Variants in SP3 observed in about 807,000 individuals in gnomAD.
The protein encoded by SP3 is Sp3 transcription factor, also known as transcription factor Sp3.
Under a neutral mutation model 70.3 loss-of-function variants are expected in SP3, and 10 were observed. The observed-to-expected ratio is 0.14, with a 90% confidence interval of 0.09 to 0.24. The LOEUF (loss-of-function observed/expected upper bound fraction) is 0.24. Among genes scored for constraint, SP3 ranks in the 10% least tolerant of loss-of-function variants. The pLI is 1.00. For missense variants in SP3, 825 were observed against 914.6 expected, an observed-to-expected ratio of 0.90 and a Z score of 1.26; for synonymous variants, 402 against 333.5, an observed-to-expected ratio of 1.21 and a Z score of -2.24.
Position 173,902,327 on chromosome 2 carries a change from C to T in SP3, c.*7614G>A, listed in dbSNP as rs1419368594. On this transcript the variant is annotated 3_prime_UTR_variant, in exon 7 of 7. Transcript: ENST00000310015. The stretch of plus-strand genomic sequence containing the variant: ...ATTGGAAAAAACATATCTGCCAAGG[C>T]AGGATTGGGAGGGTATGGAAAAAAT... Among the ~76,000 whole-genome samples, 1 of 152,084 alleles carries T rather than the reference C, an allele frequency of 6.6e-6. No individual in the cohort carries two copies. Among genetic ancestry groups the T allele is most frequent in the East Asian group, 1.9e-4 (1 of 5,200 alleles).
At chr2:173,926,539 C>T (rs1181959441) in intron 4 of SP3, among the ~76,000 whole-genome samples, 1 of 152,130 alleles carries the variant, frequency 6.6e-6, no homozygotes, top group African/African-American at 2.4e-5. Flanking sequence ...TGGCTCACGC[C>T]TGTAATCCCA....
chr2:173,930,958 A>AG (rs1378307799), intron 4 of SP3, among the ~76,000 whole-genome samples: 1 of 152,246 alleles, frequency 6.6e-6, no homozygotes, highest in Non-Finnish European at 1.5e-5. Flanking sequence ...GACATACCTC[A>AG]GAAACACTAC....
chr2:173,954,864 A>T lies in SP3; in HGVS notation c.1639+9T>A. The T allele has an allele frequency of 6.2e-7, 1 of 1,607,960 alleles. No individual in the cohort carries two copies. The highest frequency in any genetic ancestry group is 8.5e-7 in the Non-Finnish European group (1 of 1,175,010). On this transcript the variant is annotated intron_variant, in intron 4 of 6. Coordinates refer to ENST00000310015, the MANE Select transcript of SP3 (RefSeq NM_003111.5). Reference sequence around the variant, plus strand: ...ACTTATTTATGGCATGACATAACTTAAGACTCACCTGCAGGACTGTCAGCA... The same window carrying T: ...ACTTATTTATGGCATGACATAACTTTAGACTCACCTGCAGGACTGTCAGCA...
intron 4 of SP3, among the ~76,000 whole-genome samples, chr2:173,945,567 A>G (rs1025471814): frequency 6.6e-6 from 1 of 152,222 alleles, no homozygotes; most frequent in African/African-American, 2.4e-5. Flanking sequence ...GGGAAAATAA[A>G]AAACATAAAA....
chr2:173,959,551 C>T (rs1316507181), intron 3 of SP3, among the ~76,000 whole-genome samples: 1 of 151,988 alleles, frequency 6.6e-6, no homozygotes, highest in African/African-American at 2.4e-5. Context: ...CATGATGAAA[C>T]CCCGCCTCTA....
chr2:173,916,080 A>T (rs1689612892), intron 5 of SP3: 1 of 152,088 alleles, frequency 6.6e-6, no homozygotes, highest in Admixed American at 6.6e-5. Context: ...TTATGCTTCT[A>T]TCAATTAGGT....
At chr2:173,943,109 C>T (rs188233775) in intron 4 of SP3, among the ~76,000 whole-genome samples, 1 of 152,246 alleles carries the variant, frequency 6.6e-6, no homozygotes, top group Non-Finnish European at 1.5e-5. Context: ...ATTGCTCCAT[C>T]AGCCTTATGC....
rs960602632 is a variant in SP3, at chr2:173,904,822, G to A, written c.*5119C>T. ...ATACTTCCTGTATTTCGTTGTTGTC[G>A]ATTAATCGGAGGCTTAGACTTTTTT... On this transcript the variant is annotated 3_prime_UTR_variant, in exon 7 of 7. Transcript: ENST00000310015. Among the ~76,000 whole-genome samples, 3 of 152,260 alleles carry A rather than the reference G, an allele frequency of 2.0e-5. No individual in the cohort carries two copies. The highest frequency in any genetic ancestry group is 2.9e-5 in the Non-Finnish European group (2 of 68,020).
chr2:173,947,495 G>C (rs577341871), intron 4 of SP3, among the ~76,000 whole-genome samples: 1 of 151,834 alleles, frequency 6.6e-6, no homozygotes, highest in South Asian at 2.1e-4. Flanking sequence ...GATGCACTCC[G>C]ATTTCAAAAA....
chr2:173,954,779 G>A (rs1574423682), intron 4 of SP3, 94 bp downstream of exon 4: 1 of 1,058,484 alleles, frequency 9.4e-7, no homozygotes, highest in Non-Finnish European at 1.4e-6. Context: ...TAATTCTAAT[G>A]TGAGTCTGAT....
At chr2:173,929,904 G>T (rs1467080847) in intron 4 of SP3, among the ~76,000 whole-genome samples, 1 of 152,112 alleles carries the variant, frequency 6.6e-6, no homozygotes, top group Non-Finnish European at 1.5e-5. Context: ...AAATTAGAAG[G>T]CTTATCTATT....
chr2:173,908,157 T>A lies in SP3; in HGVS notation c.*1784A>T, dbSNP rs1364746133. The A allele has an allele frequency of 4.6e-5, 7 of 152,142 alleles. No individual in the cohort carries two copies. Among genetic ancestry groups the A allele is most frequent in the African/African-American group, 1.7e-4 (7 of 41,470 alleles). 9.4% of individuals were successfully genotyped at this position (152,142 alleles called of 1,614,324 possible). A position where few individuals can be genotyped will look rare whatever the true frequency, so the allele number is the denominator to read the frequency against. On this transcript the variant is annotated 3_prime_UTR_variant, in exon 7 of 7. Coordinates refer to ENST00000310015, the MANE Select transcript of SP3 (RefSeq NM_003111.5). The stretch of plus-strand genomic sequence containing the variant: ...TAACTCCTGCCATGGTTACCAACGC[T>A]TGTCTTATCATTTTCAGGAGTCTTA...
chr2:173,931,016 A>T (rs1690050651), intron 4 of SP3, among the ~76,000 whole-genome samples: 1 of 152,230 alleles, frequency 6.6e-6, no homozygotes. Context: ...GCAATTAACC[A>T]AGCCACACAT....
intron 3 of SP3, among the ~76,000 whole-genome samples, chr2:173,961,629 TA>T (rs1427179635): frequency 6.6e-6 from 1 of 152,250 alleles, no homozygotes; most frequent in South Asian, 2.1e-4. Context: ...CTCAGTTCTG[TA>T]TTTCCAACTT....
rs1689280459 is a variant in SP3, at chr2:173,905,237, G to GA, written c.*4703dup. ...GAAAATTCTAAAACACTTCACTACA[G>GA]AAAAATGGAATCTCCAGAGTTAAGG... On this transcript the variant is annotated 3_prime_UTR_variant, in exon 7 of 7. Coordinates refer to ENST00000310015, the MANE Select transcript of SP3 (RefSeq NM_003111.5). 6.6e-6 allele frequency among the ~76,000 whole-genome samples: 1 copy of GA among 152,110 alleles called. No individual in the cohort carries two copies. Among genetic ancestry groups the GA allele is most frequent in the Non-Finnish European group, 1.5e-5 (1 of 68,006 alleles).
At position 173,960,767 on chromosome 2, in the gene SP3, G is replaced by A. The variant is rs549956169; in HGVS notation, c.279+2994C>T. Among the ~76,000 whole-genome samples, 19 of 151,786 alleles carry A rather than the reference G, an allele frequency of 1.3e-4. No individual in the cohort carries two copies. The South Asian group carries it at 2.7e-3, about 22-fold the overall frequency. On this transcript the variant is annotated intron_variant, in intron 3 of 6. Coordinates refer to ENST00000310015, the MANE Select transcript of SP3 (RefSeq NM_003111.5). ...GGGCAGATCATGAGGTCAGGAGATC[G>A]AGACCATCCTGGCTAACACGGTGAA...
intron 4 of SP3, among the ~76,000 whole-genome samples, chr2:173,919,080 A>C (rs1280750426): frequency 1.3e-5 from 2 of 152,210 alleles, no homozygotes; most frequent in Non-Finnish European, 2.9e-5. Flanking sequence ...AATCTCCCTA[A>C]ATGAACAAGT....
In SP3 at chr2:173,904,932, TTATC is replaced by T. The variant is rs1308057475; in HGVS notation, c.*5005_*5008del. On this transcript the variant is annotated 3_prime_UTR_variant, in exon 7 of 7. Coordinates refer to ENST00000310015, the MANE Select transcript of SP3 (RefSeq NM_003111.5). ...TTAAAAACCACTTCAGTGCTAGACT[TTATC>T]TTTCAGTCGCAATGAACCTGAAGAT... Among the ~76,000 whole-genome samples, 1 of 152,214 alleles carries T rather than the reference TTATC, an allele frequency of 6.6e-6. No homozygotes were observed. Among genetic ancestry groups the T allele is most frequent in the Non-Finnish European group, 1.5e-5 (1 of 68,028 alleles).
intron 4 of SP3, among the ~76,000 whole-genome samples, chr2:173,934,693 T>C (rs1690164467): frequency 6.6e-6 from 1 of 151,624 alleles, no homozygotes; most frequent in Admixed American, 6.6e-5. Flanking sequence ...CAAGACCCCA[T>C]CACTATAAAA....
Sources: gnomAD v4.1 joint callset for allele counts (sites outside exome capture counted in the v4.1 genomes callset) on GRCh38, gnomAD v4.1.1 for gene constraint, MANE v1.5 for transcripts, NCBI Gene and HGNC (gene_info 2026-07-23, HGNC 2026-07-21) for gene names.